Variants in SPAG16 observed in about 807,000 individuals in gnomAD.
SPAG16 encodes sperm-associated antigen 16 protein.
Under a neutral mutation model 80.4 loss-of-function variants are expected in SPAG16, and 86 were observed. The observed-to-expected ratio is 1.07, with a 90% confidence interval of 0.90 to 1.28. The LOEUF (loss-of-function observed/expected upper bound fraction) is 1.28, where lower values mean the gene tolerates loss of function less well. Ranked by LOEUF, SPAG16 falls within the 50% of genes most tolerant of loss-of-function variation. The pLI is 0.00. For missense variants in SPAG16, 870 were observed against 765.3 expected (o/e 1.14, Z -1.61); for synonymous variants, 294 against 265.9 (o/e 1.11, Z -1.03).
At chr2:213,524,266 A>G (rs1169612001) in intron 10 of SPAG16, among the ~76,000 whole-genome samples, 1 of 152,154 alleles carries the variant, frequency 6.6e-6, no homozygotes, top group East Asian at 1.9e-4. Flanking sequence ...ACAAAAATTG[A>G]GGTTTGGAGA....
At chr2:213,746,366 A>G (rs1457310452) in intron 10 of SPAG16, among the ~76,000 whole-genome samples, 3 of 152,206 alleles carry the variant, frequency 2.0e-5, no homozygotes, top group Admixed American at 6.5e-5. Context: ...CACATATACT[A>G]TAGTGTCCCA....
chr2:213,697,466 T>C (rs752114303), intron 10 of SPAG16, among the ~76,000 whole-genome samples: 4 of 152,188 alleles, frequency 2.6e-5, no homozygotes, highest in Non-Finnish European at 4.4e-5. Context: ...CTGGAATCTA[T>C]GAATGTTACC....
chr2:213,780,722 C>G (rs188590695), intron 10 of SPAG16, among the ~76,000 whole-genome samples: 200 of 152,038 alleles, frequency 1.3e-3, no homozygotes, highest in Non-Finnish European at 2.0e-3. Context: ...ACCTTTGTTT[C>G]CTTCTTATTT....
At chr2:214,148,058 G>C (rs2055750676) in intron 14 of SPAG16, among the ~76,000 whole-genome samples, 2 of 152,108 alleles carry the variant, frequency 1.3e-5, no homozygotes, top group Admixed American at 1.3e-4. Flanking sequence ...TTGAACTGCA[G>C]CTGAAAGGGA....
chr2:213,836,446 T>C (rs1213226860), intron 10 of SPAG16, among the ~76,000 whole-genome samples: 1 of 152,248 alleles, frequency 6.6e-6, no homozygotes, highest in East Asian at 1.9e-4. Flanking sequence ...ATTGCTGTTA[T>C]TATTTTGCAT....
intron 10 of SPAG16, among the ~76,000 whole-genome samples, chr2:213,544,491 C>T (rs913928996): frequency 1.3e-5 from 2 of 151,924 alleles, no homozygotes; most frequent in African/African-American, 2.4e-5. Context: ...GAGGTATATT[C>T]GTTTTAATTT....
At chr2:214,003,707 G>A (rs1426843446) in intron 12 of SPAG16, among the ~76,000 whole-genome samples, 1 of 152,150 alleles carries the variant, frequency 6.6e-6, no homozygotes, top group Non-Finnish European at 1.5e-5. Context: ...ATCAATACCT[G>A]CATTGTTTTG....
chr2:214,011,936 A>T (rs768908995), intron 12 of SPAG16, among the ~76,000 whole-genome samples: 26 of 152,076 alleles, frequency 1.7e-4, no homozygotes, highest in Non-Finnish European at 2.9e-4. Flanking sequence ...ACTCAAGCTG[A>T]CTTCTTCCTT....
intron 10 of SPAG16, among the ~76,000 whole-genome samples, chr2:213,563,017 G>A (rs2059644517): frequency 6.6e-6 from 1 of 152,190 alleles, no homozygotes; most frequent in African/African-American, 2.4e-5. Context: ...ATAGGAATTT[G>A]GCATGGCGGG....
chr2:214,260,794 C>T (rs1197748161), intron 15 of SPAG16, among the ~76,000 whole-genome samples: 1 of 151,926 alleles, frequency 6.6e-6, no homozygotes, highest in East Asian at 1.9e-4. Flanking sequence ...TCTCTCCTGG[C>T]ACCATAGAGT....
At chr2:213,525,273 CTT>C (rs2075843340) in intron 10 of SPAG16, among the ~76,000 whole-genome samples, 1 of 144,234 alleles carries the variant, frequency 6.9e-6, no homozygotes, top group Admixed American at 7.1e-5. Context: ...AATTAAACCT[CTT>C]TTCCTTTTCT....
chr2:213,776,093 A>G (rs1293250682), intron 10 of SPAG16, among the ~76,000 whole-genome samples: 2 of 152,222 alleles, frequency 1.3e-5, no homozygotes, highest in African/African-American at 4.8e-5. Context: ...ACCCCTTCCC[A>G]ACATCCCAAA....
At position 213,419,358 on chromosome 2, in the gene SPAG16, G is replaced by A. The variant is rs570524851; in HGVS notation, c.942+44239G>A. Reference sequence around the variant, plus strand: ...TTTCTTTACATTAAATATTTTAGCCGTTGCCCTTTCCACGCTCCTCATTAT... The same window carrying A: ...TTTCTTTACATTAAATATTTTAGCCATTGCCCTTTCCACGCTCCTCATTAT... On this transcript the variant is annotated intron_variant, in intron 9 of 15. Transcript: ENST00000331683. 7.2e-5 allele frequency among the ~76,000 whole-genome samples: 11 copies of A among 151,766 alleles called. 1 individual carries two copies. Among genetic ancestry groups the A allele is most frequent in the East Asian group, 3.9e-4 (2 of 5,168 alleles).
At position 213,760,510 on chromosome 2, in the gene SPAG16, GAA is replaced by G. The variant is rs55859105; in HGVS notation, c.1071-101966_1071-101965del. 1.9e-3 allele frequency among the ~76,000 whole-genome samples: 276 copies of G among 146,972 alleles called. 2 individuals carry two copies. The highest frequency in any genetic ancestry group is 6.2e-3 in the African/African-American group (241 of 39,010). ...AATAAATCACTCTCAATAATGGCTA[GAA>G]AAAAAAAACAAAGATAAATAAGAAA... is the stretch of plus-strand genomic sequence containing the variant. On this transcript the variant is annotated intron_variant, in intron 10 of 15. Transcript: ENST00000331683.
chr2:214,377,808 T>A (rs1559255447), intron 15 of SPAG16, among the ~76,000 whole-genome samples: 1 of 152,206 alleles, frequency 6.6e-6, no homozygotes, highest in Non-Finnish European at 1.5e-5. Context: ...GCCATACAGC[T>A]ATGTTAAGCA....
At chr2:214,200,774 T>C (rs2057987780) in intron 15 of SPAG16, among the ~76,000 whole-genome samples, 1 of 152,228 alleles carries the variant, frequency 6.6e-6, no homozygotes, top group African/African-American at 2.4e-5. Context: ...AAACAATTAA[T>C]TTTAATGTTT....
chr2:214,219,485 C>T (rs2125771286), intron 15 of SPAG16, among the ~76,000 whole-genome samples: 1 of 152,134 alleles, frequency 6.6e-6, no homozygotes, highest in Admixed American at 6.5e-5. Flanking sequence ...ATTTAAAAGG[C>T]TTGAAATATT....
chr2:213,990,413 T>C (rs1047183997), intron 12 of SPAG16, among the ~76,000 whole-genome samples: 13 of 152,100 alleles, frequency 8.5e-5, no homozygotes, highest in African/African-American at 3.1e-4. Context: ...GTATAACTTT[T>C]GACATTCCCA....
intron 12 of SPAG16, among the ~76,000 whole-genome samples, chr2:213,946,005 G>T (rs1231625906): frequency 6.6e-6 from 1 of 152,124 alleles, no homozygotes; most frequent in African/African-American, 2.4e-5. Flanking sequence ...TATTTTATAT[G>T]ACAGAATTGA....
Sources: allele counts gnomAD v4.1 joint callset (sites outside exome capture counted in the v4.1 genomes callset), GRCh38; gene constraint gnomAD v4.1.1; transcripts MANE v1.5; gene names NCBI Gene and HGNC (gene_info 2026-07-23, HGNC 2026-07-21).